CLVS1: variants seen among roughly 807,000 people sequenced by gnomAD.
CLVS1 encodes clavesin 1.
A neutral mutation model predicts 33.1 loss-of-function variants in CLVS1; 10 were observed. That is an observed-to-expected ratio of 0.30 (90% CI 0.19 to 0.51). CLVS1 has a LOEUF of 0.51. CLVS1 is among the 20% of genes least tolerant of loss of function. The pLI is 0.97. For synonymous variants in CLVS1, 163 were observed against 166.1 expected (o/e 0.98, Z 0.14); for missense variants, 343 against 433.4 (o/e 0.79, Z 1.85).
chr8:61,012,590 G>A, the CLVS1 span, among the ~76,000 whole-genome samples: 1 of 152,180 alleles, frequency 6.6e-6, no homozygotes, highest in Admixed American at 6.5e-5. Context: ...TGACATTTCA[G>A]CGTGCATGAC....
At chr8:61,134,121 T>A (rs954451091) in intron 2 of CLVS1, among the ~76,000 whole-genome samples, 2 of 152,162 alleles carry the variant, frequency 1.3e-5, no homozygotes, top group Non-Finnish European at 1.5e-5. Context: ...GTCATTCACA[T>A]AATTCATTTA....
chr8:61,095,470 C>G (rs995288538), intron 1 of CLVS1, among the ~76,000 whole-genome samples: 2 of 152,240 alleles, frequency 1.3e-5, no homozygotes, highest in South Asian at 4.1e-4. Context: ...ACACAGGGCG[C>G]GCCTAGGAGG....
At chr8:61,340,659 C>A (rs2129598153) in intron 2 of CLVS1, among the ~76,000 whole-genome samples, 1 of 152,238 alleles carries the variant, frequency 6.6e-6, no homozygotes, top group Admixed American at 6.5e-5. Flanking sequence ...ATGCAGATAC[C>A]ATTTCAACAT....
chr8:61,072,646 C>CA (rs1351917037), intron 1 of CLVS1, among the ~76,000 whole-genome samples: 1 of 152,166 alleles, frequency 6.6e-6, no homozygotes, highest in Non-Finnish European at 1.5e-5. Flanking sequence ...CCAATGTAAA[C>CA]ACAGCTAATG....
At chr8:61,101,979 T>C (rs775378390) in intron 1 of CLVS1, among the ~76,000 whole-genome samples, 11 of 152,186 alleles carry the variant, frequency 7.2e-5, no homozygotes, top group Non-Finnish European at 1.5e-4. Flanking sequence ...AGTACCACAC[T>C]GTTTTGATTA....
intron 2 of CLVS1, among the ~76,000 whole-genome samples, chr8:61,373,792 T>C (rs542095754): frequency 9.2e-5 from 14 of 152,344 alleles, no homozygotes; most frequent in Admixed American, 7.2e-4. Context: ...CAAAACTCTG[T>C]GGCTTAAGAA....
chr8:61,446,601 A>T (rs1482382594), intron 3 of CLVS1, among the ~76,000 whole-genome samples: 1 of 151,676 alleles, frequency 6.6e-6, no homozygotes, highest in Non-Finnish European at 1.5e-5. Flanking sequence ...CACCGGTCCT[A>T]CTCCCTTGAT....
At chr8:61,205,632 G>A (rs1473994882) in intron 2 of CLVS1, among the ~76,000 whole-genome samples, 2 of 152,094 alleles carry the variant, frequency 1.3e-5, no homozygotes, top group African/African-American at 4.8e-5. Context: ...TCCAGAAGTG[G>A]ACTTGCTGAA....
At chr8:61,112,151 G>C (rs572160971) in intron 1 of CLVS1, among the ~76,000 whole-genome samples, 104 of 148,704 alleles carry the variant, frequency 7.0e-4, no homozygotes, top group African/African-American at 2.5e-3. Context: ...TATCATAATC[G>C]CTGTTATTAT....
chr8:61,424,584 A>G lies in CLVS1; in HGVS notation c.631-29557A>G, dbSNP rs954501005. The stretch of plus-strand genomic sequence containing the variant: ...CTTCTAAATTTACTGGTACACAAAT[A>G]TCACAATTAGAGCACGTATAATAGT... On this transcript the variant is annotated intron_variant, in intron 3 of 5. Transcript: ENST00000325897. 9.2e-5 allele frequency among the ~76,000 whole-genome samples: 14 copies of G among 152,364 alleles called. No individual in the cohort carries two copies. The South Asian group carries it at 1.0e-3, about 11-fold the overall frequency.
At chr8:61,365,472 A>G (rs1162596246) in intron 2 of CLVS1, among the ~76,000 whole-genome samples, 1 of 151,958 alleles carries the variant, frequency 6.6e-6, no homozygotes, top group Non-Finnish European at 1.5e-5. Context: ...GGTTGCAGTG[A>G]GTTGGGATTG....
chr8:61,052,450 C>A (rs1007502957), upstream of CLVS1, among the ~76,000 whole-genome samples: 2 of 152,042 alleles, frequency 1.3e-5, no homozygotes, highest in Non-Finnish European at 2.9e-5. Flanking sequence ...TCAGAGGGGG[C>A]CTCACTGAAA....
chr8:61,080,178 C>G (rs749359807), intron 1 of CLVS1, among the ~76,000 whole-genome samples: 4 of 152,110 alleles, frequency 2.6e-5, no homozygotes, highest in Non-Finnish European at 4.4e-5. Context: ...CAAAACAAAA[C>G]AAAAGTGGCT....
intron 1 of CLVS1, among the ~76,000 whole-genome samples, chr8:61,297,590 G>A (rs932462890): frequency 2.0e-5 from 3 of 152,138 alleles, no homozygotes; most frequent in Admixed American, 6.6e-5. Context: ...TGAACAGATC[G>A]AGTTTGTGTT....
the CLVS1 span, among the ~76,000 whole-genome samples, chr8:61,044,249 C>T: frequency 1.3e-5 from 2 of 152,140 alleles, no homozygotes; most frequent in Admixed American, 6.5e-5. Flanking sequence ...GGTTCTGGGG[C>T]AGGGTCACAC....
intron 2 of CLVS1, among the ~76,000 whole-genome samples, chr8:61,362,039 T>G (rs374106077): frequency 1.3e-5 from 2 of 152,146 alleles, no homozygotes; most frequent in African/African-American, 4.8e-5. Context: ...TTGATTAATA[T>G]CAAGGGTAAG....
At chr8:60,998,671 G>C in the CLVS1 span, among the ~76,000 whole-genome samples, 1 of 152,130 alleles carries the variant, frequency 6.6e-6, no homozygotes, top group Non-Finnish European at 1.5e-5. Flanking sequence ...GGTTTGTTCC[G>C]GGTCTTTGGA....
intron 2 of CLVS1, among the ~76,000 whole-genome samples, chr8:61,271,300 T>G (rs1460364166): frequency 3.9e-4 from 59 of 151,602 alleles, no homozygotes; most frequent in African/African-American, 1.4e-3. Context: ...AGCAGGTTGT[T>G]CAGTTTCCAT....
chr8:61,162,261 T>C (rs1412914798), intron 2 of CLVS1, among the ~76,000 whole-genome samples: 2 of 152,232 alleles, frequency 1.3e-5, no homozygotes, highest in East Asian at 3.8e-4. Context: ...TTGAATCCCA[T>C]ATTTGCAGGA....
Sources: gnomAD v4.1 joint callset for allele counts (sites outside exome capture counted in the v4.1 genomes callset) on GRCh38, gnomAD v4.1.1 for gene constraint, MANE v1.5 for transcripts, NCBI Gene and HGNC (gene_info 2026-07-23, HGNC 2026-07-21) for gene names.